Variants in GALNS observed in about 807,000 individuals in gnomAD.
GALNS encodes the protein N-acetylgalactosamine-6-sulfatase.
GALNS carries 65 observed loss-of-function variants against 65.9 expected under a neutral mutation model. The observed-to-expected ratio is 0.99, with a 90% confidence interval of 0.81 to 1.21. GALNS has a LOEUF of 1.21. Ranked by LOEUF, GALNS falls within the 50% of genes most tolerant of loss-of-function variation. The pLI, the probability that GALNS is intolerant of heterozygous loss-of-function variation, is 0.00. For missense variants in GALNS, 776 were observed against 700.7 expected, an observed-to-expected ratio of 1.11 and a Z score of -1.21; for synonymous variants, 346 against 288.9, an observed-to-expected ratio of 1.20 and a Z score of -2.00.
At chr16:88,842,552 G>A in intron 2 of GALNS, 154 bp downstream of exon 2, 1 of 924,118 alleles carries the variant, frequency 1.1e-6, no homozygotes, top group Non-Finnish European at 1.6e-6. Context: ...GCTGGGATTT[G>A]ATGAGAAAGG....
At chr16:88,824,919 G>A (rs1276872968) in intron 10 of GALNS, 50 bp from the exon 11 acceptor site, 1 of 1,507,770 alleles carries the variant, frequency 6.6e-7, no homozygotes, top group South Asian at 1.1e-5. Flanking sequence ...GACACGCTGG[G>A]GCCACCTGGA....
chr16:88,833,603 C>T (rs1489452833), intron 8 of GALNS, among the ~76,000 whole-genome samples: 2 of 152,242 alleles, frequency 1.3e-5, no homozygotes, highest in South Asian at 4.1e-4. Context: ...AGGTGCCCGC[C>T]ACCACGCCTG....
intron 12 of GALNS, 90 bp from the exon 13 acceptor site, chr16:88,818,214 T>C: frequency 9.6e-7 from 1 of 1,044,752 alleles, no homozygotes; most frequent in Non-Finnish European, 1.4e-6. Flanking sequence ...TGCAGAGCTC[T>C]AACGGGCTGA....
At chr16:88,825,856 C>A (rs933217199) in intron 10 of GALNS, among the ~76,000 whole-genome samples, 1 of 152,150 alleles carries the variant, frequency 6.6e-6, no homozygotes. Flanking sequence ...CTCCCTCTAC[C>A]CGGCCCCAGA....
At chr16:88,827,200 C>CCCTG in intron 9 of GALNS, 1 of 329,994 alleles carries the variant, frequency 3.0e-6, no homozygotes, top group South Asian at 3.4e-5. Flanking sequence ...CCACTGTGAG[C>CCCTG]CCTGCCCCTT....
intron 2 of GALNS, 84 bp downstream of exon 2, chr16:88,842,621 GC>G: frequency 6.5e-7 from 1 of 1,531,066 alleles, no homozygotes; most frequent in South Asian, 1.2e-5. Context: ...TGATGCAGCC[GC>G]CCAGAGTCAG....
chr16:88,831,932 G>A lies in GALNS; in HGVS notation c.1002+66C>T, dbSNP rs568732470. On this transcript the variant is annotated intron_variant, in intron 9 of 13. Coordinates refer to ENST00000268695, the MANE Select transcript of GALNS (RefSeq NM_000512.5). ...ATGGGGGAGGTGGCCAGTGAGGGGC[G>A]CACACACCCTGGGATGGCTGCAGGC... The A allele has an allele frequency of 8.4e-5, 116 of 1,378,016 alleles. No homozygotes were observed. The East Asian group carries it at 2.0e-3, about 23-fold the overall frequency. The allele number at this position is 1,378,016 out of a possible 1,614,324, so 85.4% of individuals were successfully genotyped here. A position where few individuals can be genotyped will look rare whatever the true frequency, so the allele number is the denominator to read the frequency against.
At chr16:88,851,951 G>A (rs563241880) in intron 1 of GALNS, among the ~76,000 whole-genome samples, 3 of 152,382 alleles carry the variant, frequency 2.0e-5, no homozygotes, top group East Asian at 1.9e-4. Context: ...ACAAAAGGCA[G>A]CAGAAACTTC....
intron 8 of GALNS, among the ~76,000 whole-genome samples, chr16:88,832,899 G>A (rs1043141578): frequency 2.6e-5 from 4 of 151,942 alleles, no homozygotes; most frequent in Non-Finnish European, 4.4e-5. Context: ...AGAGACCACG[G>A]CTAAACCCCA....
At chr16:88,829,952 G>A (rs573375721) in intron 9 of GALNS, among the ~76,000 whole-genome samples, 19 of 152,330 alleles carry the variant, frequency 1.2e-4, no homozygotes, top group East Asian at 9.7e-4. Flanking sequence ...TGGAACAGGC[G>A]CCGGGCGCGG....
At chr16:88,849,712 C>A (rs1334255181) in intron 1 of GALNS, among the ~76,000 whole-genome samples, 2 of 152,104 alleles carry the variant, frequency 1.3e-5, no homozygotes, top group Non-Finnish European at 2.9e-5. Flanking sequence ...GTGTGAGCCA[C>A]CACGCCCAGC....
intron 11 of GALNS, among the ~76,000 whole-genome samples, chr16:88,823,851 A>G (rs377425208): frequency 0.059 from 4,999 of 84,254 alleles, 90 homozygotes; most frequent in Middle Eastern, 0.21. Flanking sequence ...GACGGCCCTC[A>G]CAGGCGGCAA....
At chr16:88,823,065 A>T (rs560704676) in intron 11 of GALNS, among the ~76,000 whole-genome samples, 1 of 152,290 alleles carries the variant, frequency 6.6e-6, no homozygotes, top group South Asian at 2.1e-4. Context: ...AGTGTATTTA[A>T]AACACCTTAG....
chr16:88,835,334 C>T lies in GALNS; in HGVS notation c.777G>A (p.Arg259=), dbSNP rs756588310. ...TCTTCCCAATGCTGTCATCAATCTC[C>T]CGGACGGCGTCTCCATACCTGCAGG... ...SQRGRYGDAV[R]EIDDSIGKIL... The change falls in exon 8 of 14, where the codon CGG becomes CGA. Residue 259 remains arginine, a synonymous_variant. Coordinates refer to ENST00000268695, the MANE Select transcript of GALNS (RefSeq NM_000512.5). 20 of 1,613,732 alleles carry T rather than the reference C, an allele frequency of 1.2e-5. No homozygotes were observed. Among genetic ancestry groups the T allele is most frequent in the Non-Finnish European group, 1.7e-5 (20 of 1,179,898 alleles).
chr16:88,843,977 GC>G (rs1203631955), intron 1 of GALNS: 17 of 152,296 alleles, frequency 1.1e-4, no homozygotes, highest in Admixed American at 8.5e-4. Context: ...CTGAGTGGCT[GC>G]CGGGGCTGGG....
intron 12 of GALNS, among the ~76,000 whole-genome samples, chr16:88,821,411 C>T (rs890145058): frequency 9.2e-5 from 14 of 152,258 alleles, no homozygotes; most frequent in African/African-American, 2.9e-4. Context: ...ACAGGCCCTA[C>T]TTCCCTTCAG....
chr16:88,842,615 G>A, intron 2 of GALNS, 91 bp downstream of exon 2: 1 of 1,496,432 alleles, frequency 6.7e-7, no homozygotes, highest in Non-Finnish European at 9.1e-7. Flanking sequence ...CAAGGTTGAT[G>A]CAGCCGCCCA....
intron 10 of GALNS, 102 bp from the exon 11 acceptor site, chr16:88,824,971 G>T: frequency 1.1e-6 from 1 of 886,036 alleles, no homozygotes; most frequent in South Asian, 1.3e-5. Context: ...ATGCCTCCAC[G>T]TGAGGTCTTG....
intron 9 of GALNS, among the ~76,000 whole-genome samples, chr16:88,830,952 G>T (rs866796121): frequency 1.2e-4 from 18 of 152,222 alleles, no homozygotes; most frequent in Non-Finnish European, 2.1e-4. Flanking sequence ...GCCCCTTCTA[G>T]AAGCTCATGG....
Sources: allele counts gnomAD v4.1 joint callset (sites outside exome capture counted in the v4.1 genomes callset), GRCh38; gene constraint gnomAD v4.1.1; transcripts MANE v1.5; gene names NCBI Gene and HGNC (gene_info 2026-07-23, HGNC 2026-07-21).